Variants in MAML3 observed in about 807,000 individuals in gnomAD.
MAML3 encodes mastermind-like protein 3.
In MAML3, 27 loss-of-function variants were observed where a neutral mutation model predicts 101.9. The ratio of observed to expected loss-of-function variants is 0.27; its 90% confidence interval spans 0.20 to 0.37. MAML3 has a LOEUF of 0.37. Ranked by LOEUF, MAML3 falls within the 10% of genes least tolerant of loss-of-function variation. The probability of loss-of-function intolerance (pLI) is 1.00; values close to 1 mark genes in which losing one functional copy is unlikely to be tolerated. For missense variants in MAML3, 1,316 were observed against 1,444.9 expected (o/e 0.91, Z 1.45); for synonymous variants, 501 against 555.9 (o/e 0.90, Z 1.39).
intron 1 of MAML3, among the ~76,000 whole-genome samples, chr4:140,117,007 G>A (rs892113347): frequency 6.6e-6 from 1 of 152,204 alleles, no homozygotes; most frequent in Non-Finnish European, 1.5e-5. Flanking sequence ...AACATGCTGA[G>A]TTCCAGACTT....
chr4:139,803,178 C>G (rs1248202423), intron 2 of MAML3, among the ~76,000 whole-genome samples: 1 of 152,078 alleles, frequency 6.6e-6, no homozygotes, highest in Non-Finnish European at 1.5e-5. Context: ...ATTGCTTGAG[C>G]CTGAGAGGCA....
intron 1 of MAML3, among the ~76,000 whole-genome samples, chr4:139,922,263 C>A (rs899197635): frequency 1.3e-5 from 2 of 152,130 alleles, no homozygotes; most frequent in African/African-American, 4.8e-5. Flanking sequence ...GACAAACTAC[C>A]ATCCTTCTTA....
At chr4:139,876,737 C>T (rs1041689237) in intron 2 of MAML3, among the ~76,000 whole-genome samples, 7 of 152,248 alleles carry the variant, frequency 4.6e-5, no homozygotes, top group Admixed American at 3.9e-4. Context: ...CCTGGCACAA[C>T]AGTGTCCAGC....
chr4:139,776,961 T>A (rs1327370393), intron 2 of MAML3, among the ~76,000 whole-genome samples: 1 of 152,088 alleles, frequency 6.6e-6, no homozygotes, highest in African/African-American at 2.4e-5. Context: ...CAAAGCAAGA[T>A]GAAAGGAATT....
In MAML3 at chr4:139,890,560, A is replaced by C; in HGVS notation, c.876T>G (p.Leu292=). 1 of 1,614,024 alleles carries C rather than the reference A, an allele frequency of 6.2e-7. No homozygotes were observed. The highest frequency in any genetic ancestry group is 1.1e-5 in the South Asian group (1 of 91,090). ...PTCIDTSETS[L]SNQNKLFSDI... ...CTGAGAACAGCTTGTTCTGATTTGA[A>C]AGAGATGTTTCTGATGTGTCTATGC... The change falls in exon 2 of 5, where the codon CTT becomes CTG. Residue 292 remains leucine (L), a synonymous_variant. Coordinates refer to ENST00000509479, the MANE Select transcript of MAML3 (RefSeq NM_018717.5). The surrounding 1 kb of genome is among the most constrained non-coding windows in gnomAD (Gnocchi z 4.1).
intron 1 of MAML3, among the ~76,000 whole-genome samples, chr4:140,093,961 G>A (rs1728107353): frequency 1.3e-5 from 2 of 152,162 alleles, no homozygotes; most frequent in South Asian, 4.1e-4. Flanking sequence ...ATCCTTTGGA[G>A]CCCCAGTAAC....
At chr4:139,950,891 G>C (rs897110834) in intron 1 of MAML3, among the ~76,000 whole-genome samples, 1 of 152,174 alleles carries the variant, frequency 6.6e-6, no homozygotes, top group African/African-American at 2.4e-5. Flanking sequence ...TGAAGGGCTT[G>C]AAGAGGCCAT....
At chr4:139,988,613 C>A (rs1354331796) in intron 1 of MAML3, among the ~76,000 whole-genome samples, 2 of 152,114 alleles carry the variant, frequency 1.3e-5, no homozygotes, top group East Asian at 3.9e-4. Context: ...TTAGTTGTCC[C>A]ATCGTAAACT....
At chr4:139,956,670 G>A (rs919553383) in intron 1 of MAML3, among the ~76,000 whole-genome samples, 1 of 152,202 alleles carries the variant, frequency 6.6e-6, no homozygotes, top group Non-Finnish European at 1.5e-5. Flanking sequence ...TGCACAAAGC[G>A]ATGGGGAGCG....
chr4:139,729,193 A>G (rs1728601663), intron 3 of MAML3, among the ~76,000 whole-genome samples: 1 of 150,108 alleles, frequency 6.7e-6, no homozygotes, highest in Admixed American at 6.6e-5. Flanking sequence ...AACATAAGTG[A>G]ACTGTGCTCA....
intron 1 of MAML3, among the ~76,000 whole-genome samples, chr4:139,916,629 C>T (rs957024646): frequency 3.9e-5 from 6 of 152,216 alleles, no homozygotes; most frequent in Non-Finnish European, 8.8e-5. Context: ...GGGCCACCAA[C>T]CATGGTTCTA....
intron 1 of MAML3, among the ~76,000 whole-genome samples, chr4:140,092,076 G>A (rs943601907): frequency 2.8e-4 from 18 of 64,022 alleles, no homozygotes; most frequent in Non-Finnish European, 7.6e-4. Context: ...ATATATATAC[G>A]TATATATATA....
chr4:139,812,246 C>T (rs1730814469), intron 2 of MAML3, among the ~76,000 whole-genome samples: 1 of 151,590 alleles, frequency 6.6e-6, no homozygotes, highest in East Asian at 1.9e-4. Flanking sequence ...GACTCTGTCT[C>T]AAAAAAAAGA....
At chr4:139,997,324 A>C (rs372866619) in intron 1 of MAML3, among the ~76,000 whole-genome samples, 4 of 151,516 alleles carry the variant, frequency 2.6e-5, no homozygotes, top group East Asian at 1.9e-4. Context: ...CTAATTTTTG[A>C]GTTATTTTCT....
intron 1 of MAML3, among the ~76,000 whole-genome samples, chr4:140,049,115 G>A (rs1448724235): frequency 6.6e-6 from 1 of 152,140 alleles, no homozygotes; most frequent in African/African-American, 2.4e-5. Flanking sequence ...CTGCTGCTCT[G>A]TGATTGCACA....
intron 1 of MAML3, among the ~76,000 whole-genome samples, chr4:139,933,359 G>A (rs1218179796): frequency 3.9e-5 from 6 of 152,096 alleles, no homozygotes; most frequent in Non-Finnish European, 7.4e-5. Flanking sequence ...AAACTGGGGC[G>A]CTGTTGTTCC....
intron 2 of MAML3, among the ~76,000 whole-genome samples, chr4:139,850,291 A>C (rs908676855): frequency 6.6e-6 from 1 of 152,140 alleles, no homozygotes; most frequent in African/African-American, 2.4e-5. Context: ...CTGTCTCAGC[A>C]CTCCTCGTTC....
At chr4:140,099,172 A>T (rs1438377929) in intron 1 of MAML3, among the ~76,000 whole-genome samples, 1 of 152,088 alleles carries the variant, frequency 6.6e-6, no homozygotes, top group East Asian at 1.9e-4. Context: ...TAGAATTGAT[A>T]GACACTAGCT....
At chr4:139,916,588 T>C (rs1352439755) in intron 1 of MAML3, among the ~76,000 whole-genome samples, 1 of 152,214 alleles carries the variant, frequency 6.6e-6, no homozygotes, top group Non-Finnish European at 1.5e-5. Flanking sequence ...GTGCTCCAGG[T>C]GGCCATGGCC....
Sources: gnomAD v4.1 joint callset for allele counts (sites outside exome capture counted in the v4.1 genomes callset) on GRCh38, gnomAD v4.1.1 for gene constraint, Gnocchi (gnomAD v3.1) non-coding constraint, MANE v1.5 for transcripts, NCBI Gene and HGNC (gene_info 2026-07-23, HGNC 2026-07-21) for gene names.